Variants in GOLGA8B observed in about 807,000 individuals in gnomAD.
GOLGA8B encodes the protein golgin subfamily A member 8B.
In GOLGA8B, 1 loss-of-function variant was observed where a neutral mutation model predicts 15.6. That is an observed-to-expected ratio of 0.06 (90% CI 0.02 to 0.30). The LOEUF is 0.30. Among genes scored for constraint, GOLGA8B ranks in the 10% least tolerant of loss-of-function variants. GOLGA8B has a pLI of 1.00. For missense variants in GOLGA8B, 17 were observed against 201.3 expected (o/e 0.08, Z 5.54); for synonymous variants, 9 against 80.3 (o/e 0.11, Z 4.75).
At chr15:34,577,003 G>C (rs1889101301) in intron 1 of GOLGA8B, among the ~76,000 whole-genome samples, 1 of 149,842 alleles carries the variant, frequency 6.7e-6, no homozygotes. Context: ...ACCTCCACGT[G>C]CCCTTCTTGG....
chr15:34,581,910 C>T (rs772862339), intron 1 of GOLGA8B, among the ~76,000 whole-genome samples: 15 of 152,162 alleles, frequency 9.9e-5, no homozygotes, highest in Non-Finnish European at 1.6e-4. Context: ...CTCCAAGGGC[C>T]CCCCAACAGT....
intron 1 of GOLGA8B, among the ~76,000 whole-genome samples, chr15:34,577,875 T>A (rs911113125): frequency 6.6e-6 from 1 of 152,206 alleles, no homozygotes; most frequent in Non-Finnish European, 1.5e-5. Context: ...TGTACACTAG[T>A]GCAGACTTTA....
At chr15:34,577,709 C>A (rs1404302939) in intron 1 of GOLGA8B, among the ~76,000 whole-genome samples, 1 of 152,174 alleles carries the variant, frequency 6.6e-6, no homozygotes, top group Non-Finnish European at 1.5e-5. Flanking sequence ...AGGCTGCAAA[C>A]CTAGGCAGCA....
chr15:34,582,186 G>A (rs1345579460), intron 1 of GOLGA8B, among the ~76,000 whole-genome samples: 1 of 152,104 alleles, frequency 6.6e-6, no homozygotes, highest in Non-Finnish European at 1.5e-5. Context: ...GTCCCCCTGC[G>A]TAGTGGCCAC....
At chr15:34,576,587 A>G (rs1231257287) in intron 1 of GOLGA8B, among the ~76,000 whole-genome samples, 1 of 152,178 alleles carries the variant, frequency 6.6e-6, no homozygotes, top group African/African-American at 2.4e-5. Context: ...AATCTTCACA[A>G]TACATGCACA....
chr15:34,567,036 A>G (rs922982029), intron 1 of GOLGA8B, among the ~76,000 whole-genome samples: 3 of 117,888 alleles, frequency 2.5e-5, no homozygotes, highest in African/African-American at 1.0e-4. Flanking sequence ...TTTATGAGTC[A>G]GCCTGGGGAG....
At chr15:34,561,047 C>T (rs1380548170) in intron 1 of GOLGA8B, among the ~76,000 whole-genome samples, 4 of 146,576 alleles carry the variant, frequency 2.7e-5, no homozygotes, top group African/African-American at 7.6e-5. Context: ...CAGAGTGGCA[C>T]CTGGTATGTG....
chr15:34,582,433 A>G (rs1290846972), intron 1 of GOLGA8B, among the ~76,000 whole-genome samples: 1 of 152,258 alleles, frequency 6.6e-6, no homozygotes, highest in Non-Finnish European at 1.5e-5. Context: ...GAGGTTGAAG[A>G]GGCCAGAGGC....
At chr15:34,570,445 G>C (rs1888883163) in intron 1 of GOLGA8B, among the ~76,000 whole-genome samples, 1 of 124,158 alleles carries the variant, frequency 8.1e-6, no homozygotes, top group Admixed American at 8.8e-5. Context: ...CTTCCACTCT[G>C]TGACACAGCG....
At chr15:34,559,320 C>G (rs1595704717) in intron 1 of GOLGA8B, among the ~76,000 whole-genome samples, 1 of 147,178 alleles carries the variant, frequency 6.8e-6, no homozygotes, top group East Asian at 2.1e-4. Context: ...TGGAAAAGTT[C>G]TGGAGATGCA....
chr15:34,576,683 G>C (rs998755792), intron 1 of GOLGA8B, among the ~76,000 whole-genome samples: 1 of 152,192 alleles, frequency 6.6e-6, no homozygotes, highest in African/African-American at 2.4e-5. Context: ...AACCATCAAT[G>C]TGACCCATTC....
chr15:34,543,425 T>G (rs1888246024), intron 7 of GOLGA8B, among the ~76,000 whole-genome samples: 1 of 140,596 alleles, frequency 7.1e-6, no homozygotes, highest in Non-Finnish European at 1.6e-5. Context: ...CAGGCTTGTC[T>G]CCAACTCCTG....
intron 1 of GOLGA8B, among the ~76,000 whole-genome samples, chr15:34,578,759 T>G (rs1160241073): frequency 6.6e-6 from 1 of 152,202 alleles, no homozygotes; most frequent in Non-Finnish European, 1.5e-5. Flanking sequence ...GTTGGAGTGT[T>G]TCCGTTTCCA....
At chr15:34,575,902 C>T (rs1487455977) in intron 1 of GOLGA8B, among the ~76,000 whole-genome samples, 3 of 152,206 alleles carry the variant, frequency 2.0e-5, no homozygotes, top group Non-Finnish European at 4.4e-5. Flanking sequence ...ATAGTAGCTG[C>T]TTGGAAAATA....
chr15:34,527,776 C>T lies in GOLGA8B; in HGVS notation c.1668G>A (p.Glu556=), dbSNP rs1313825795. 1 of 1,443,220 alleles carries T rather than the reference C, an allele frequency of 6.9e-7. No individual in the cohort carries two copies. The highest frequency in any genetic ancestry group is 1.2e-5 in the South Asian group (1 of 81,714). 89.4% of individuals were successfully genotyped at this position (1,443,220 alleles called of 1,614,324 possible). A position where few individuals can be genotyped will look rare whatever the true frequency, so the allele number is the denominator to read the frequency against. ...CAGTAGGGTTGTCCTGGGAAGAACCCTCCCTGGCTTCTCCTTGTGCAGGCT... is the reference window on the plus strand; with the variant it reads ...CAGTAGGGTTGTCCTGGGAAGAACCTTCCCTGGCTTCTCCTTGTGCAGGCT... ...SVEPAQGEAR[E]GSSQDNPTAQ... is the part of the protein sequence containing the mutation. The change falls in exon 24 of 24, where the codon GAG becomes GAA. Residue 556 remains glutamate, a synonymous_variant. Transcript: ENST00000683415.
At chr15:34,577,560 A>ACACACACACT (rs1491292911) in intron 1 of GOLGA8B, among the ~76,000 whole-genome samples, 1 of 141,926 alleles carries the variant, frequency 7.0e-6, no homozygotes. Context: ...ACACACACAC[A>ACACACACACT]GATGCGTCAC....
chr15:34,575,160 C>G (rs1889035897), intron 1 of GOLGA8B, among the ~76,000 whole-genome samples: 2 of 151,946 alleles, frequency 1.3e-5, no homozygotes, highest in East Asian at 1.9e-4. Flanking sequence ...AAGGCTGGGA[C>G]TTGGCATCAG....
At chr15:34,579,825 TGTGCC>T (rs1889182622) in intron 1 of GOLGA8B, among the ~76,000 whole-genome samples, 1 of 152,248 alleles carries the variant, frequency 6.6e-6, no homozygotes, top group Non-Finnish European at 1.5e-5. Flanking sequence ...GGCTCTGCTG[TGTGCC>T]AGGCACTTTT....
Position 34,527,222 on chromosome 15 carries a change from T to TAG in GOLGA8B, c.*409_*410insCT. The TAG allele has an allele frequency of 3.0e-6, 1 of 332,028 alleles. No individual in the cohort carries two copies. The highest frequency in any genetic ancestry group is 2.6e-5 in the South Asian group (1 of 39,152). 20.6% of individuals were successfully genotyped at this position (332,028 alleles called of 1,614,324 possible). On this transcript the variant is annotated 3_prime_UTR_variant, in exon 24 of 24. Transcript: ENST00000683415. ...TGAGATCAAACATCATAGCAGAACA[T>TAG]TAGCAAATTTTATCTGAATTCTGTA...
Sources: gnomAD v4.1 joint callset for allele counts (sites outside exome capture counted in the v4.1 genomes callset) on GRCh38, gnomAD v4.1.1 for gene constraint, MANE v1.5 for transcripts, NCBI Gene and HGNC (gene_info 2026-07-23, HGNC 2026-07-21) for gene names.